ARHGEF3: variants seen among roughly 807,000 people sequenced by gnomAD.
ARHGEF3 encodes 59.8 kDA protein.
In ARHGEF3, 28 loss-of-function variants were observed where a neutral mutation model predicts 63.2. That is an observed-to-expected ratio of 0.44 (90% CI 0.33 to 0.61). The LOEUF (loss-of-function observed/expected upper bound fraction) is 0.61, where lower values mean the gene tolerates loss of function less well. Ranked by LOEUF, ARHGEF3 falls within the 20% of genes least tolerant of loss-of-function variation. The probability of loss-of-function intolerance (pLI) is 0.03; values close to 1 mark genes in which losing one functional copy is unlikely to be tolerated. For synonymous variants in ARHGEF3, 266 were observed against 254.2 expected (o/e 1.05, Z -0.44); for missense variants, 533 against 659.3 (o/e 0.81, Z 2.10).
At chr3:57,026,805 TGCACTAGGTGCCAGACACTGC>T (rs1703495413) in intron 2 of ARHGEF3, among the ~76,000 whole-genome samples, 1 of 152,218 alleles carries the variant, frequency 6.6e-6, no homozygotes, top group African/African-American at 2.4e-5. Context: ...TTCTCGATTG[TGCACTAGGTGCCAGACACTGC>T]CAGGCCCTTA....
intron 1 of ARHGEF3, among the ~76,000 whole-genome samples, chr3:56,796,783 CAGCATTAA>C (rs1402412928): frequency 6.6e-6 from 1 of 152,136 alleles, no homozygotes; most frequent in Non-Finnish European, 1.5e-5. Context: ...CTCCTTGACC[CAGCATTAA>C]AGCCATCCTG....
intron 8 of ARHGEF3, among the ~76,000 whole-genome samples, chr3:56,733,856 C>T (rs1314931843): frequency 1.3e-5 from 2 of 151,692 alleles, no homozygotes; most frequent in East Asian, 1.9e-4. Context: ...CGGTGGCAGG[C>T]GCCTATAATC....
intron 4 of ARHGEF3, among the ~76,000 whole-genome samples, chr3:56,811,866 A>C (rs548197296): frequency 6.6e-6 from 1 of 152,294 alleles, no homozygotes; most frequent in Non-Finnish European, 1.5e-5. Context: ...CCTCTCATTC[A>C]AGGTTGTCTG....
At chr3:56,765,599 A>G (rs987035603) in intron 2 of ARHGEF3, among the ~76,000 whole-genome samples, 2 of 152,120 alleles carry the variant, frequency 1.3e-5, no homozygotes, top group Non-Finnish European at 2.9e-5. Context: ...ATTATTTCTT[A>G]TATCTAGATG....
chr3:56,859,119 T>C (rs1267532975), intron 4 of ARHGEF3, among the ~76,000 whole-genome samples: 2 of 152,168 alleles, frequency 1.3e-5, no homozygotes, highest in Non-Finnish European at 2.9e-5. Context: ...TACCAGCTTA[T>C]AGTGATCATA....
chr3:56,920,124 G>T (rs191869320), intron 3 of ARHGEF3, among the ~76,000 whole-genome samples: 2 of 152,046 alleles, frequency 1.3e-5, no homozygotes, highest in African/African-American at 4.8e-5. Flanking sequence ...TGTTAAAAGG[G>T]GGAAAAAAAC....
intron 2 of ARHGEF3, among the ~76,000 whole-genome samples, chr3:56,999,270 C>T (rs111923068): frequency 0.024 from 3,607 of 152,126 alleles, 131 homozygotes; most frequent in African/African-American, 0.081. Flanking sequence ...AGACTGGTCT[C>T]GAACTACTTA....
intron 1 of ARHGEF3, among the ~76,000 whole-genome samples, chr3:57,077,418 A>G (rs1180049605): frequency 1.3e-5 from 2 of 152,148 alleles, no homozygotes; most frequent in Non-Finnish European, 2.9e-5. Flanking sequence ...CTCTGGAAAA[A>G]TAACTGTGCT....
At chr3:56,903,835 T>C (rs2041601824) in intron 3 of ARHGEF3, among the ~76,000 whole-genome samples, 1 of 152,154 alleles carries the variant, frequency 6.6e-6, no homozygotes, top group East Asian at 1.9e-4. Flanking sequence ...TTTATGTTGG[T>C]TGTATCTATC....
chr3:56,820,525 C>A (rs2038445171), intron 4 of ARHGEF3, among the ~76,000 whole-genome samples: 1 of 152,090 alleles, frequency 6.6e-6, no homozygotes, highest in South Asian at 2.1e-4. Context: ...GTGGACCAGT[C>A]AGGCACAGTG....
intron 3 of ARHGEF3, among the ~76,000 whole-genome samples, chr3:56,941,389 G>A (rs1306743036): frequency 6.6e-6 from 1 of 152,188 alleles, no homozygotes; most frequent in African/African-American, 2.4e-5. Context: ...TGTATTTTTA[G>A]TAGAGACAGG....
At chr3:56,872,934 T>A (rs1350727172) in intron 4 of ARHGEF3, among the ~76,000 whole-genome samples, 1 of 152,222 alleles carries the variant, frequency 6.6e-6, no homozygotes, top group South Asian at 2.1e-4. Context: ...ACAGTAGTTA[T>A]TTTTTTGTGC....
intron 2 of ARHGEF3, among the ~76,000 whole-genome samples, chr3:56,999,834 T>C (rs1293405770): frequency 1.3e-5 from 2 of 152,188 alleles, no homozygotes; most frequent in Admixed American, 1.3e-4. Context: ...TTGCCCTTCC[T>C]CTAGTCAACT....
chr3:56,937,953 C>T (rs769026118), intron 3 of ARHGEF3, among the ~76,000 whole-genome samples: 7 of 152,270 alleles, frequency 4.6e-5, no homozygotes, highest in East Asian at 3.9e-4. Context: ...AGTCTCATTC[C>T]CCCTTTTCTC....
chr3:57,014,041 G>T (rs905534364), intron 2 of ARHGEF3, among the ~76,000 whole-genome samples: 1 of 152,128 alleles, frequency 6.6e-6, no homozygotes. Context: ...AACACTCACC[G>T]CGAAGGTCTG....
chr3:56,855,209 T>C (rs1055841156), intron 4 of ARHGEF3, among the ~76,000 whole-genome samples: 8 of 152,002 alleles, frequency 5.3e-5, no homozygotes, highest in African/African-American at 1.7e-4. Flanking sequence ...AGGGTTTTTA[T>C]TGAGATAGGA....
At chr3:57,010,279 C>T (rs998549581) in intron 2 of ARHGEF3, among the ~76,000 whole-genome samples, 2 of 151,856 alleles carry the variant, frequency 1.3e-5, no homozygotes, top group Non-Finnish European at 2.9e-5. Context: ...ATGGTGAAAC[C>T]CCATCTCTAC....
intron 3 of ARHGEF3, among the ~76,000 whole-genome samples, chr3:56,941,782 A>G (rs1416801801): frequency 1.3e-5 from 2 of 152,196 alleles, no homozygotes; most frequent in Admixed American, 1.3e-4. Context: ...CTATGTATAT[A>G]TTAATATATT....
intron 4 of ARHGEF3, among the ~76,000 whole-genome samples, chr3:56,816,711 G>A (rs996938110): frequency 6.6e-6 from 1 of 152,216 alleles, no homozygotes; most frequent in Non-Finnish European, 1.5e-5. Flanking sequence ...CTGAGGCACA[G>A]AGAGTTCAAG....
Sources: gnomAD v4.1 joint callset for allele counts (sites outside exome capture counted in the v4.1 genomes callset) on GRCh38, gnomAD v4.1.1 for gene constraint, MANE v1.5 for transcripts, NCBI Gene and HGNC (gene_info 2026-07-23, HGNC 2026-07-21) for gene names.